The following OCA2 variants were observed in gnomAD, a reference collection of about 807,000 sequenced individuals.
OCA2 encodes the protein P protein.
A neutral mutation model predicts 100.2 loss-of-function variants in OCA2; 77 were observed. That is an observed-to-expected ratio of 0.77 (90% CI 0.64 to 0.93). The LOEUF is 0.93. OCA2 is among the 40% of genes least tolerant of loss of function. OCA2 has a pLI of 0.00. For synonymous variants in OCA2, 432 were observed against 439.2 expected (o/e 0.98, Z 0.21); for missense variants, 1,062 against 1,089.1 (o/e 0.98, Z 0.35).
intron 18 of OCA2, among the ~76,000 whole-genome samples, chr15:27,939,301 C>T (rs577063063): frequency 1.3e-5 from 2 of 152,132 alleles, no homozygotes; most frequent in African/African-American, 4.8e-5. Flanking sequence ...GAAATGTTGG[C>T]CATGTTTATG....
intron 23 of OCA2, among the ~76,000 whole-genome samples, chr15:27,821,316 G>A (rs1053892358): frequency 2.0e-5 from 3 of 152,048 alleles, no homozygotes; most frequent in Non-Finnish European, 2.9e-5. Context: ...GCAAGTACTT[G>A]TATAAGACAA....
Position 27,756,574 on chromosome 15 carries a change from C to T in OCA2, c.2433-1102G>A, listed in dbSNP as rs557254891. Among the ~76,000 whole-genome samples, 3 of 152,274 alleles carry T rather than the reference C, an allele frequency of 2.0e-5. 1 individual carries two copies. Among genetic ancestry groups the T allele is most frequent in the South Asian group, 4.1e-4 (2 of 4,822 alleles). Reference sequence around the variant, plus strand: ...AACTTTGTTTTTGAAAATAGCTGAACATGTTTGCAAAATGTCAGCCCTGAT... The same window carrying T: ...AACTTTGTTTTTGAAAATAGCTGAATATGTTTGCAAAATGTCAGCCCTGAT... On this transcript the variant is annotated intron_variant, in intron 23 of 23. Coordinates refer to ENST00000354638, the MANE Select transcript of OCA2 (RefSeq NM_000275.3).
chr15:27,884,006 T>C (rs1373040154), intron 19 of OCA2, among the ~76,000 whole-genome samples: 1 of 152,226 alleles, frequency 6.6e-6, no homozygotes, highest in Non-Finnish European at 1.5e-5. Flanking sequence ...CTTATTATCT[T>C]TGGAGAATGT....
intron 23 of OCA2, among the ~76,000 whole-genome samples, chr15:27,759,004 A>C (rs2030619001): frequency 6.6e-6 from 1 of 152,230 alleles, no homozygotes; most frequent in Non-Finnish European, 1.5e-5. Context: ...ATCTATGCCA[A>C]GACACAACAA....
At chr15:27,912,766 A>G (rs1189750142) in intron 19 of OCA2, among the ~76,000 whole-genome samples, 1 of 152,252 alleles carries the variant, frequency 6.6e-6, no homozygotes, top group East Asian at 1.9e-4. Context: ...GAGGAAAAAC[A>G]CAATGTTAGT....
intron 9 of OCA2, among the ~76,000 whole-genome samples, chr15:28,002,707 C>T (rs2041966047): frequency 6.6e-6 from 1 of 152,266 alleles, no homozygotes; most frequent in South Asian, 2.1e-4. Flanking sequence ...CACAGGGCTG[C>T]GTCTGTCCCT....
At chr15:28,004,499 A>C (rs1208768826) in intron 9 of OCA2, among the ~76,000 whole-genome samples, 1 of 152,130 alleles carries the variant, frequency 6.6e-6, no homozygotes, top group Non-Finnish European at 1.5e-5. Context: ...ACACACACAC[A>C]GTCACACGCC....
intron 17 of OCA2, among the ~76,000 whole-genome samples, chr15:27,953,186 T>C (rs1595709040): frequency 6.6e-6 from 1 of 152,168 alleles, no homozygotes; most frequent in African/African-American, 2.4e-5. Flanking sequence ...TATAGATATA[T>C]AGATATAGAC....
chr15:27,780,880 TC>T (rs1441627914), intron 23 of OCA2, among the ~76,000 whole-genome samples: 1 of 152,104 alleles, frequency 6.6e-6, no homozygotes, highest in East Asian at 1.9e-4. Context: ...AAAATAAAAA[TC>T]CATGGTTCAT....
chr15:28,008,361 G>T (rs896531262), intron 9 of OCA2, among the ~76,000 whole-genome samples: 2 of 152,214 alleles, frequency 1.3e-5, no homozygotes, highest in Admixed American at 1.3e-4. Context: ...GTCCTGGCAT[G>T]CTTATACTAA....
At chr15:27,894,036 C>G (rs140004762) in intron 19 of OCA2, among the ~76,000 whole-genome samples, 11 of 152,310 alleles carry the variant, frequency 7.2e-5, no homozygotes, top group African/African-American at 2.4e-4. Flanking sequence ...TGGTCTGAGA[C>G]TCAGGCAGGC....
chr15:27,879,335 T>C (rs938843798), intron 19 of OCA2, among the ~76,000 whole-genome samples: 1 of 152,202 alleles, frequency 6.6e-6, no homozygotes, highest in Non-Finnish European at 1.5e-5. Context: ...TGTATCTTTA[T>C]AGCAGAATGA....
At chr15:27,992,541 A>G (rs1000332064) in intron 9 of OCA2, among the ~76,000 whole-genome samples, 1 of 152,230 alleles carries the variant, frequency 6.6e-6, no homozygotes, top group Non-Finnish European at 1.5e-5. Flanking sequence ...GTGAGCAGGC[A>G]CCAGAGCCAG....
At position 28,024,420 on chromosome 15, in the gene OCA2, C is replaced by T. The variant is rs11857700; in HGVS notation, c.573+425G>A. Among the ~76,000 whole-genome samples the T allele has an allele frequency of 2.9e-3, 441 of 152,362 alleles. 1 individual carries two copies. Among genetic ancestry groups the T allele is most frequent in the African/African-American group, 9.9e-3 (413 of 41,588 alleles). ...CAAACCTCAGAGCTTCAACACTTAC[C>T]GCTGGGCAGAGGCCCAGGGCACAAT... On this transcript the variant is annotated intron_variant, in intron 5 of 23. Coordinates refer to ENST00000354638, the MANE Select transcript of OCA2 (RefSeq NM_000275.3).
rs1432243292 is a variant in OCA2 at position 28,029,439 on chromosome 15, G to T, written c.327-1380C>A. On this transcript the variant is annotated intron_variant, in intron 3 of 23. Coordinates refer to ENST00000354638, the MANE Select transcript of OCA2 (RefSeq NM_000275.3). Reference sequence around the variant, plus strand: ...AAAAACCTTTTCTTATAAGAAGACAGAGGGAAGCAAGTTAATGTCATTGCC... The same window carrying T: ...AAAAACCTTTTCTTATAAGAAGACATAGGGAAGCAAGTTAATGTCATTGCC... 3.3e-5 allele frequency among the ~76,000 whole-genome samples: 5 copies of T among 152,294 alleles called. No homozygotes were observed. In the East Asian group the frequency reaches 9.6e-4, roughly 29 times the overall value.
At chr15:27,995,559 A>ATT (rs5811523) in intron 9 of OCA2, among the ~76,000 whole-genome samples, 2,017 of 147,960 alleles carry the variant, frequency 0.014, 36 homozygotes, top group African/African-American at 0.045. Context: ...TGTCCAGCTA[A>ATT]TTTTTTTTTT....
At chr15:27,815,995 A>G (rs1056969846) in intron 23 of OCA2, among the ~76,000 whole-genome samples, 18 of 152,098 alleles carry the variant, frequency 1.2e-4, no homozygotes, top group African/African-American at 4.3e-4. Flanking sequence ...TTAGCCAGGC[A>G]TGGTGGTGGG....
rs535892145 is a variant in OCA2, at chr15:28,075,720, A to T, written c.227+5928T>A. Among the ~76,000 whole-genome samples, 3 of 152,376 alleles carry T rather than the reference A, an allele frequency of 2.0e-5. No homozygotes were observed. In the South Asian group the frequency reaches 6.2e-4, roughly 32 times the overall value. On this transcript the variant is annotated intron_variant, in intron 2 of 23. Coordinates refer to ENST00000354638, the MANE Select transcript of OCA2 (RefSeq NM_000275.3). ...AATAAACAAAGTGTGATATGTCCACACAACTCCACTCAGCAATAAAAAGAA... is the reference window on the plus strand; with the variant it reads ...AATAAACAAAGTGTGATATGTCCACTCAACTCCACTCAGCAATAAAAAGAA...
chr15:27,968,222 G>A (rs1245804304), intron 14 of OCA2, among the ~76,000 whole-genome samples: 1 of 152,236 alleles, frequency 6.6e-6, no homozygotes, highest in Non-Finnish European at 1.5e-5. Context: ...CAGCAGGACA[G>A]ATGAGGCTCT....
Sources: allele counts gnomAD v4.1 joint callset (sites outside exome capture counted in the v4.1 genomes callset), GRCh38; gene constraint gnomAD v4.1.1; transcripts MANE v1.5; gene names NCBI Gene and HGNC (gene_info 2026-07-23, HGNC 2026-07-21).